LDLRAD4: variants seen among roughly 807,000 people sequenced by gnomAD.
LDLRAD4 encodes low density lipoprotein receptor class A domain containing 4, also known as low-density lipoprotein receptor class A domain-containing protein 4.
In LDLRAD4, 5 loss-of-function variants were observed where a neutral mutation model predicts 17.0. The ratio of observed to expected loss-of-function variants is 0.29; its 90% CI spans 0.15 to 0.62. The LOEUF is 0.62. LDLRAD4 is among the 20% of genes least tolerant of loss of function. LDLRAD4 has a pLI of 0.84. For missense variants in LDLRAD4, 340 were observed against 424.7 expected, an observed-to-expected ratio of 0.80 and a Z score of 1.75; for synonymous variants, 168 against 171.8, an observed-to-expected ratio of 0.98 and a Z score of 0.17.
At chr18:13,537,006 A>G (rs2094209996) in intron 3 of LDLRAD4, among the ~76,000 whole-genome samples, 1 of 152,112 alleles carries the variant, frequency 6.6e-6, no homozygotes, top group Admixed American at 6.5e-5. Flanking sequence ...CCTTTTATAT[A>G]TTGTTAGATT....
intron 3 of LDLRAD4, among the ~76,000 whole-genome samples, chr18:13,574,353 G>A (rs1253440800): frequency 2.0e-5 from 3 of 152,166 alleles, no homozygotes; most frequent in Non-Finnish European, 4.4e-5. Flanking sequence ...GCCTAGGAGA[G>A]CAACCGCTCT....
intron 1 of LDLRAD4, among the ~76,000 whole-genome samples, chr18:13,371,197 C>T (rs2084480004): frequency 6.6e-6 from 1 of 152,170 alleles, no homozygotes; most frequent in African/African-American, 2.4e-5. Context: ...GACTGCTGTG[C>T]TCCTCTCACA....
At chr18:13,545,123 G>A (rs541521154) in intron 3 of LDLRAD4, among the ~76,000 whole-genome samples, 1 of 152,178 alleles carries the variant, frequency 6.6e-6, no homozygotes, top group African/African-American at 2.4e-5. Context: ...GGTGTTAGTG[G>A]CCTCCTCTTG....
Position 13,612,037 on chromosome 18 carries a change from C to T in LDLRAD4, c.182-9080C>T, listed in dbSNP as rs984433866. 49 of 985,508 alleles carry T rather than the reference C, an allele frequency of 5.0e-5. No homozygotes were observed. The Admixed American group carries it at 1.4e-3, about 28-fold the overall frequency. 61.0% of individuals were successfully genotyped at this position (985,508 alleles called of 1,614,324 possible). On this transcript the variant is annotated intron_variant, in intron 3 of 5. Coordinates refer to ENST00000359446, the Ensembl canonical transcript of LDLRAD4. ...GAGAAGCACGCGAGCCTAACGTGAGCGTCCCGCCTGTCGCGTGTCCTGCCT... is the reference window on the plus strand; with the variant it reads ...GAGAAGCACGCGAGCCTAACGTGAGTGTCCCGCCTGTCGCGTGTCCTGCCT...
intron 1 of LDLRAD4, among the ~76,000 whole-genome samples, chr18:13,259,016 T>C (rs1056695386): frequency 6.6e-6 from 1 of 152,254 alleles, no homozygotes; most frequent in African/African-American, 2.4e-5. Context: ...TTTAGGTCAA[T>C]GATCTTGTTG....
chr18:13,618,055 A>G (rs2040245821), intron 3 of LDLRAD4, among the ~76,000 whole-genome samples: 1 of 152,226 alleles, frequency 6.6e-6, no homozygotes, highest in African/African-American at 2.4e-5. Flanking sequence ...TTGTGGTCAT[A>G]AGAGAAAAAA....
intron 3 of LDLRAD4, among the ~76,000 whole-genome samples, chr18:13,443,199 G>A (rs182779028): frequency 7.2e-5 from 11 of 152,268 alleles, no homozygotes; most frequent in South Asian, 6.2e-4. Flanking sequence ...ATTAAAATCT[G>A]AGCTGATTAT....
At chr18:13,427,746 A>T (rs1568135667) in intron 2 of LDLRAD4, among the ~76,000 whole-genome samples, 1 of 152,184 alleles carries the variant, frequency 6.6e-6, no homozygotes, top group Non-Finnish European at 1.5e-5. Flanking sequence ...ACAGGTAACT[A>T]AAAAAACCAT....
At chr18:13,512,668 G>A (rs1365933929) in intron 3 of LDLRAD4, among the ~76,000 whole-genome samples, 1 of 152,152 alleles carries the variant, frequency 6.6e-6, no homozygotes, top group African/African-American at 2.4e-5. Flanking sequence ...TTTAATTTGA[G>A]AAAATTAGAG....
chr18:13,322,286 C>A, intron 1 of LDLRAD4, among the ~76,000 whole-genome samples: 1 of 137,056 alleles, frequency 7.3e-6, no homozygotes, highest in East Asian at 2.1e-4. Flanking sequence ...AGTCACTTTT[C>A]TCACTTTTTT....
At chr18:13,253,991 C>T (rs755955598) in intron 1 of LDLRAD4, among the ~76,000 whole-genome samples, 31 of 152,228 alleles carry the variant, frequency 2.0e-4, no homozygotes, top group South Asian at 6.2e-4. Context: ...TGCTGCGATA[C>T]GGGGCATCCC....
At chr18:13,294,761 C>T (rs2046173566) in intron 1 of LDLRAD4, among the ~76,000 whole-genome samples, 1 of 151,256 alleles carries the variant, frequency 6.6e-6, no homozygotes, top group Non-Finnish European at 1.5e-5. Context: ...TTTTACATCA[C>T]ACTTGATATT....
At chr18:13,302,709 A>G (rs1398667908) in intron 1 of LDLRAD4, among the ~76,000 whole-genome samples, 1 of 152,156 alleles carries the variant, frequency 6.6e-6, no homozygotes, top group Non-Finnish European at 1.5e-5. Flanking sequence ...GGAAAGGAGG[A>G]AAACATGCAC....
chr18:13,632,305 C>CGTT (rs1244412725), intron 4 of LDLRAD4, among the ~76,000 whole-genome samples: 2 of 152,260 alleles, frequency 1.3e-5, no homozygotes, highest in Non-Finnish European at 2.9e-5. Context: ...CCAGATCCCA[C>CGTT]ACCTGCCAAG....
At chr18:13,239,550 A>G (rs1434122815) in intron 1 of LDLRAD4, 1 of 152,276 alleles carries the variant, frequency 6.6e-6, no homozygotes, top group Non-Finnish European at 1.5e-5. Context: ...ATTAATGATC[A>G]TACAGTCTTA....
chr18:13,602,525 G>A (rs2095176161), intron 3 of LDLRAD4, among the ~76,000 whole-genome samples: 1 of 127,690 alleles, frequency 7.8e-6, no homozygotes, highest in Admixed American at 9.2e-5. Context: ...TTGAGATGGA[G>A]TCTCACTCTG....
chr18:13,555,975 C>T (rs368312948), intron 3 of LDLRAD4, among the ~76,000 whole-genome samples: 2 of 152,220 alleles, frequency 1.3e-5, no homozygotes, highest in East Asian at 3.9e-4. Flanking sequence ...CTGTGGTAAG[C>T]ATTAGATTTA....
intron 3 of LDLRAD4, among the ~76,000 whole-genome samples, chr18:13,607,564 GT>G (rs1398180385): frequency 6.6e-6 from 1 of 152,186 alleles, no homozygotes; most frequent in Non-Finnish European, 1.5e-5. Context: ...GTATGCATTA[GT>G]TATTTGTCCT....
rs115331942 is a variant in LDLRAD4, at chr18:13,505,337, A to G, written c.181+66953A>G. ...TTTGCACAGTAATGTGGGACCATAA[A>G]AATGGCCCTGTGAATTGAAACCATG... On this transcript the variant is annotated intron_variant, in intron 3 of 5. Transcript: ENST00000359446. 4.6e-3 allele frequency among the ~76,000 whole-genome samples: 704 copies of G among 152,340 alleles called. 6 individuals carry two copies. The highest frequency in any genetic ancestry group is 0.016 in the African/African-American group (678 of 41,584).
Sources: allele counts gnomAD v4.1 joint callset (sites outside exome capture counted in the v4.1 genomes callset), GRCh38; gene constraint gnomAD v4.1.1; transcripts MANE v1.5; gene names NCBI Gene and HGNC (gene_info 2026-07-23, HGNC 2026-07-21).